The following BEAN1 variants were observed in gnomAD, a reference collection of about 807,000 sequenced individuals.
BEAN1 encodes brain expressed associated with NEDD4 1.
Under a neutral mutation model 17.7 loss-of-function variants are expected in BEAN1, and 17 were observed. That is an observed-to-expected ratio of 0.96 (90% CI 0.66 to 1.44). BEAN1 has a LOEUF of 1.44. BEAN1 is among the 40% of genes most tolerant of loss of function. The pLI, the probability that BEAN1 is intolerant of heterozygous loss-of-function variation, is 0.00. For synonymous variants in BEAN1, 142 were observed against 151.8 expected (o/e 0.94, Z 0.47); for missense variants, 359 against 374.1 (o/e 0.96, Z 0.33).
chr16:66,450,016 TTATCC>T (rs1475339840), intron 2 of BEAN1, among the ~76,000 whole-genome samples: 1 of 152,220 alleles, frequency 6.6e-6, no homozygotes, highest in African/African-American at 2.4e-5. Flanking sequence ...AAACTAGAAA[TTATCC>T]TAAGCATTAA....
chr16:66,445,846 G>A (rs1273179967), intron 2 of BEAN1, among the ~76,000 whole-genome samples: 1 of 152,130 alleles, frequency 6.6e-6, no homozygotes, highest in Non-Finnish European at 1.5e-5. Flanking sequence ...AGTAGAAGAG[G>A]CTAGAGGAGG....
chr16:66,463,779 T>C (rs1597019170), intron 2 of BEAN1, among the ~76,000 whole-genome samples: 1 of 152,274 alleles, frequency 6.6e-6, no homozygotes, highest in Non-Finnish European at 1.5e-5. Flanking sequence ...CATTTAGGTC[T>C]TTAATCCATT....
chr16:66,454,729 CTTT>C (rs538469751), intron 2 of BEAN1, among the ~76,000 whole-genome samples: 15 of 83,682 alleles, frequency 1.8e-4, no homozygotes, highest in African/African-American at 5.9e-4. Context: ...TTCTTTCTTT[CTTT>C]TTTTTTTTTT....
chr16:66,438,318 A>G (rs1432817836), intron 2 of BEAN1, among the ~76,000 whole-genome samples: 2 of 151,856 alleles, frequency 1.3e-5, no homozygotes, highest in African/African-American at 4.8e-5. Flanking sequence ...CGGGAGGCGG[A>G]GGTTGCAGTG....
chr16:66,437,726 C>T (rs1256827164), intron 2 of BEAN1, 25 bp downstream of exon 2: 5 of 1,532,108 alleles, frequency 3.3e-6, no homozygotes, highest in Non-Finnish European at 4.4e-6. Flanking sequence ...CACATCCTTC[C>T]ACCACTTGGG....
chr16:66,452,687 A>G (rs1962718364), intron 2 of BEAN1, among the ~76,000 whole-genome samples: 1 of 152,206 alleles, frequency 6.6e-6, no homozygotes, highest in Non-Finnish European at 1.5e-5. Flanking sequence ...TTTTTGCAGG[A>G]CAGACATTCC....
chr16:66,461,936 G>A (rs1963103752), intron 2 of BEAN1, among the ~76,000 whole-genome samples: 1 of 152,160 alleles, frequency 6.6e-6, no homozygotes, highest in Non-Finnish European at 1.5e-5. Context: ...AGGGAGAACC[G>A]GGATCATGCT....
At chr16:66,454,488 G>T (rs1469656547) in intron 2 of BEAN1, among the ~76,000 whole-genome samples, 1 of 151,904 alleles carries the variant, frequency 6.6e-6, no homozygotes, top group African/African-American at 2.4e-5. Context: ...AAATGTCTTT[G>T]TCTCTAGAAA....
intron 2 of BEAN1, among the ~76,000 whole-genome samples, chr16:66,469,103 G>A (rs748548612): frequency 3.9e-5 from 6 of 152,136 alleles, no homozygotes; most frequent in East Asian, 1.9e-4. Context: ...AGCCCCTGAC[G>A]CATCTGGGTC....
chr16:66,441,829 G>A (rs949985522), intron 2 of BEAN1, among the ~76,000 whole-genome samples: 1 of 152,156 alleles, frequency 6.6e-6, no homozygotes, highest in African/African-American at 2.4e-5. Context: ...GAGTCCAGCA[G>A]GCATTAATCG....
intron 1 of BEAN1, among the ~76,000 whole-genome samples, chr16:66,430,564 T>C (rs749738037): frequency 1.3e-5 from 2 of 152,262 alleles, no homozygotes; most frequent in Non-Finnish European, 1.5e-5. Context: ...TCATTTTATG[T>C]CTGAGAACTG....
intron 2 of BEAN1, among the ~76,000 whole-genome samples, chr16:66,454,580 C>T (rs889287759): frequency 6.6e-6 from 1 of 152,120 alleles, no homozygotes; most frequent in Non-Finnish European, 1.5e-5. Flanking sequence ...TCCTTCCATC[C>T]TTTTATTTTC....
intron 1 of BEAN1, among the ~76,000 whole-genome samples, chr16:66,433,989 G>A (rs1237323086): frequency 2.0e-5 from 3 of 152,230 alleles, no homozygotes; most frequent in Non-Finnish European, 4.4e-5. Flanking sequence ...TATTCCCGGA[G>A]CGGGGACATG....
intron 2 of BEAN1, among the ~76,000 whole-genome samples, chr16:66,459,636 TG>T (rs1239230620): frequency 6.6e-6 from 1 of 152,136 alleles, no homozygotes; most frequent in Admixed American, 6.5e-5. Context: ...GACAGTCTCT[TG>T]ATGTGACCTT....
intron 4 of BEAN1, among the ~76,000 whole-genome samples, chr16:66,490,459 A>AAAAT (rs1964160985): frequency 8.6e-6 from 1 of 115,634 alleles, no homozygotes; most frequent in Non-Finnish European, 1.7e-5. Flanking sequence ...TAAAATAATA[A>AAAAT]AATAAAAAGA....
rs1170622065 is a variant in BEAN1, at chr16:66,482,230, T to C, written c.*1305T>C. The C allele has an allele frequency of 6.5e-6, 1 of 153,192 alleles. No individual in the cohort carries two copies. The highest frequency in any genetic ancestry group is 1.5e-5 in the Non-Finnish European group (1 of 68,738). 9.5% of individuals were successfully genotyped at this position (153,192 alleles called of 1,614,324 possible). On this transcript the variant is annotated 3_prime_UTR_variant, in exon 5 of 5. Transcript: ENST00000536005. ...TCTCTGAGCAGTGTCCCTGCTAGCA[T>C]CGCCAGCGGCCATCACTCTGCCTCC...
intron 3 of BEAN1, among the ~76,000 whole-genome samples, chr16:66,472,303 G>A (rs1035440555): frequency 7.9e-5 from 12 of 152,250 alleles, no homozygotes; most frequent in African/African-American, 1.7e-4. Context: ...GGGCCCACAG[G>A]TGACTCGTCC....
In BEAN1 at chr16:66,473,432, C is replaced by T. The variant is rs1567504224; in HGVS notation, c.289+3567C>T. Among the ~76,000 whole-genome samples, 1 of 152,188 alleles carries T rather than the reference C, an allele frequency of 6.6e-6. No homozygotes were observed. Among genetic ancestry groups the T allele is most frequent in the Non-Finnish European group, 1.5e-5 (1 of 68,040 alleles). On this transcript the variant is annotated intron_variant, in intron 3 of 4. Transcript: ENST00000536005. The surrounding 1 kb of genome is among the most constrained non-coding windows in gnomAD (Gnocchi z 4.5). ...GGCAGGGAACCCAGAGGTGCTGTTG[C>T]CCCATATCTTCCCCCAGCCTTCTGG...
At chr16:66,445,475 C>CAAAAAAAAAAAAA (rs61540693) in intron 2 of BEAN1, among the ~76,000 whole-genome samples, 9 of 49,326 alleles carry the variant, frequency 1.8e-4, no homozygotes, top group East Asian at 8.7e-4. Flanking sequence ...GACTCCGTCT[C>CAAAAAAAAAAAAA]AAAAAAAAAA....
Sources: allele counts gnomAD v4.1 joint callset (sites outside exome capture counted in the v4.1 genomes callset), GRCh38; gene constraint gnomAD v4.1.1; non-coding constraint Gnocchi (gnomAD v3.1); transcripts MANE v1.5; gene names NCBI Gene and HGNC (gene_info 2026-07-23, HGNC 2026-07-21).